Variants in CDYL observed in about 807,000 individuals in gnomAD.
CDYL encodes the protein chromodomain Y-like protein.
CDYL carries 8 observed loss-of-function variants against 47.3 expected under a neutral mutation model. The ratio of observed to expected loss-of-function variants is 0.17; its 90% CI spans 0.10 to 0.31. The LOEUF (loss-of-function observed/expected upper bound fraction) is 0.31, where lower values mean the gene tolerates loss of function less well. CDYL is among the 10% of genes least tolerant of loss of function. The probability of loss-of-function intolerance (pLI) is 1.00; values close to 1 mark genes in which losing one functional copy is unlikely to be tolerated. For synonymous variants in CDYL, 266 were observed against 265.0 expected, an observed-to-expected ratio of 1.00 and a Z score of -0.04; for missense variants, 471 against 701.4, an observed-to-expected ratio of 0.67 and a Z score of 3.71.
At chr6:4,934,993 G>A (rs1025254868) in intron 2 of CDYL, among the ~76,000 whole-genome samples, 22 of 152,224 alleles carry the variant, frequency 1.4e-4, no homozygotes, top group Admixed American at 3.9e-4. Flanking sequence ...ACTCCTGAGT[G>A]TCCCACAGGG....
chr6:4,887,939 A>G (rs1761942157), intron 1 of CDYL, among the ~76,000 whole-genome samples: 1 of 148,610 alleles, frequency 6.7e-6, no homozygotes, highest in Non-Finnish European at 1.5e-5. Flanking sequence ...TTTTTTCTGC[A>G]TCTGTTGAAA....
intron 2 of CDYL, among the ~76,000 whole-genome samples, chr6:4,903,042 T>A (rs1202100780): frequency 1.3e-5 from 2 of 152,166 alleles, no homozygotes; most frequent in East Asian, 3.8e-4. Context: ...TGTACATGAG[T>A]GAGTTGTTGG....
intron 1 of CDYL, among the ~76,000 whole-genome samples, chr6:4,816,948 A>G (rs537313114): frequency 2.0e-4 from 30 of 152,264 alleles, no homozygotes; most frequent in African/African-American, 7.0e-4. Context: ...CCCTCAAGGG[A>G]CACCCCCAAT....
At chr6:4,914,941 C>G (rs887929211) in intron 2 of CDYL, among the ~76,000 whole-genome samples, 9 of 152,216 alleles carry the variant, frequency 5.9e-5, no homozygotes, top group Non-Finnish European at 1.3e-4. Flanking sequence ...CAGGACAGAG[C>G]TGGCTTCTGA....
chr6:4,901,990 GC>G (rs1369132856), intron 2 of CDYL, among the ~76,000 whole-genome samples: 1 of 152,170 alleles, frequency 6.6e-6, no homozygotes, highest in Non-Finnish European at 1.5e-5. Flanking sequence ...CAGAAAAGGG[GC>G]TTCTCTTCCT....
chr6:4,715,743 G>C (rs780587347), exon 2 of CDYL: 1 of 1,611,970 alleles, frequency 6.2e-7, no homozygotes, highest in Admixed American at 1.7e-5. Context: ...AATTGCAGGT[G>C]GTCATCAGAG....
intron 2 of CDYL, among the ~76,000 whole-genome samples, chr6:4,902,507 A>G (rs1004421339): frequency 2.0e-5 from 3 of 152,100 alleles, no homozygotes; most frequent in African/African-American, 7.2e-5. Context: ...GAAACAGTAC[A>G]CAGTCATCCT....
At chr6:4,717,764 T>G (rs1259038444) in intron 2 of CDYL, among the ~76,000 whole-genome samples, 3 of 149,064 alleles carry the variant, frequency 2.0e-5, no homozygotes, top group African/African-American at 7.4e-5. Context: ...GGGATTTTTG[T>G]TGTTTTGTTA....
At chr6:4,717,571 G>A (rs189884261) in intron 2 of CDYL, among the ~76,000 whole-genome samples, 14 of 151,782 alleles carry the variant, frequency 9.2e-5, no homozygotes, top group Admixed American at 2.0e-4. Context: ...AGTGGCATGT[G>A]CCTGTAGTCC....
At chr6:4,779,416 A>G (rs1165963019) in intron 1 of CDYL, among the ~76,000 whole-genome samples, 2 of 152,186 alleles carry the variant, frequency 1.3e-5, no homozygotes, top group East Asian at 1.9e-4. Context: ...AACTTGGGTG[A>G]GTTACCCAAC....
intron 1 of CDYL, among the ~76,000 whole-genome samples, chr6:4,712,407 T>C (rs1222671221): frequency 1.3e-5 from 2 of 152,098 alleles, no homozygotes; most frequent in East Asian, 3.9e-4. Context: ...GTAGAAAGGG[T>C]GACAGTGGCC....
chr6:4,943,485 ACTTTTC>A, intron 4 of CDYL, 55 bp from the exon 5 acceptor site: 1 of 1,192,592 alleles, frequency 8.4e-7, no homozygotes, highest in African/African-American at 1.5e-5. Context: ...TCCATAATAG[ACTTTTC>A]CTTTGCTCAA....
intron 1 of CDYL, among the ~76,000 whole-genome samples, chr6:4,877,891 T>C (rs808634): frequency 0.42 from 64,460 of 152,042 alleles, 15,560 homozygotes; most frequent in African/African-American, 0.67. Flanking sequence ...TTTTTGGGAA[T>C]GTGTTGTATC....
At chr6:4,776,163 C>A (rs1207984502), upstream of CDYL, among the ~76,000 whole-genome samples, 10 of 38,518 alleles carry the variant, frequency 2.6e-4, no homozygotes, top group Admixed American at 2.4e-3. Context: ...CCACCCCGCC[C>A]CCCGCGCTCG....
At chr6:4,791,761 A>G (rs1758924584) in intron 1 of CDYL, among the ~76,000 whole-genome samples, 2 of 152,106 alleles carry the variant, frequency 1.3e-5, no homozygotes, top group South Asian at 4.1e-4. Flanking sequence ...ACTACGAACC[A>G]CAGAAGACCA....
chr6:4,948,032 C>T (rs1455294337), intron 5 of CDYL, among the ~76,000 whole-genome samples: 1 of 152,154 alleles, frequency 6.6e-6, no homozygotes, highest in Non-Finnish European at 1.5e-5. Flanking sequence ...ACCAGACTCC[C>T]ATGGTAGAGT....
chr6:4,738,709 A>G (rs1757745105), intron 3 of CDYL, among the ~76,000 whole-genome samples: 1 of 152,190 alleles, frequency 6.6e-6, no homozygotes, highest in Non-Finnish European at 1.5e-5. Flanking sequence ...CAAAGAGACA[A>G]ATAAAGATGT....
chr6:4,840,366 C>G (rs1222373265), intron 1 of CDYL, among the ~76,000 whole-genome samples: 1 of 152,104 alleles, frequency 6.6e-6, no homozygotes, highest in African/African-American at 2.4e-5. Context: ...GACGGTTTGA[C>G]TTCCTCTTTA....
At chr6:4,727,629 A>T (rs1477826586) in intron 2 of CDYL, among the ~76,000 whole-genome samples, 1 of 126,502 alleles carries the variant, frequency 7.9e-6, no homozygotes, top group Non-Finnish European at 1.5e-5. Context: ...AAATTTCTCA[A>T]CTACCTCTAT....
Sources: allele counts gnomAD v4.1 joint callset (sites outside exome capture counted in the v4.1 genomes callset), GRCh38; gene constraint gnomAD v4.1.1; transcripts MANE v1.5; gene names NCBI Gene and HGNC (gene_info 2026-07-23, HGNC 2026-07-21).